Variants in HMGN3 observed in about 807,000 individuals in gnomAD.
HMGN3 encodes high mobility group nucleosome-binding domain-containing protein 3.
In HMGN3, 6 loss-of-function variants were observed where a neutral mutation model predicts 18.8. The observed-to-expected ratio is 0.32, with a 90% confidence interval of 0.18 to 0.63. The LOEUF (loss-of-function observed/expected upper bound fraction) is 0.63. HMGN3 is among the 30% of genes least tolerant of loss of function. The pLI is 0.79. For missense variants in HMGN3, 107 were observed against 114.2 expected, an observed-to-expected ratio of 0.94 and a Z score of 0.29; for synonymous variants, 40 against 36.5, an observed-to-expected ratio of 1.10 and a Z score of -0.35.
At position 79,234,659 on chromosome 6, in the gene HMGN3, G is replaced by A. The variant is rs930352533; in HGVS notation, c.-99C>T. The A allele has an allele frequency of 7.3e-6, 9 of 1,239,172 alleles. No individual in the cohort carries two copies. In the African/African-American group the frequency reaches 1.0e-4, roughly 14 times the overall value. The allele number at this position is 1,239,172 out of a possible 1,614,324, so 76.8% of individuals were successfully genotyped here. On this transcript the variant is annotated 5_prime_UTR_variant, in exon 1 of 6. Transcript: ENST00000344726. ...TGCCTCTGCAGCTGCTCACGCGCAGGGCACGACGTAGCCCGGCCTCTTCGA... is the reference window on the plus strand; with the variant it reads ...TGCCTCTGCAGCTGCTCACGCGCAGAGCACGACGTAGCCCGGCCTCTTCGA...
At chr6:79,224,414 A>G (rs1211163819) in intron 1 of HMGN3, among the ~76,000 whole-genome samples, 3 of 152,230 alleles carry the variant, frequency 2.0e-5, no homozygotes, top group African/African-American at 7.2e-5. Flanking sequence ...AGTGCTTCCT[A>G]TTCTCCATCA....
intron 3 of HMGN3, among the ~76,000 whole-genome samples, chr6:79,206,961 G>A (rs750609873): frequency 2.6e-4 from 39 of 152,288 alleles, no homozygotes; most frequent in Middle Eastern, 3.4e-3. Context: ...GCTGGATTTC[G>A]GACTTGCATG....
At chr6:79,203,749 A>T in intron 3 of HMGN3, 119 bp from the exon 4 acceptor site, 1 of 767,528 alleles carries the variant, frequency 1.3e-6, no homozygotes, top group Non-Finnish European at 2.2e-6. Context: ...TTGGTCATTA[A>T]AAAGTATTTC....
chr6:79,207,590 G>A (rs1377033427), intron 3 of HMGN3, among the ~76,000 whole-genome samples: 1 of 152,168 alleles, frequency 6.6e-6, no homozygotes, highest in African/African-American at 2.4e-5. Context: ...AGCAGTGAGT[G>A]TGAAAACAGA....
chr6:79,216,615 C>G (rs1435035327), intron 1 of HMGN3, among the ~76,000 whole-genome samples: 1 of 152,208 alleles, frequency 6.6e-6, no homozygotes, highest in East Asian at 1.9e-4. Flanking sequence ...CTCCCCTCCT[C>G]CGTGGAACCT....
chr6:79,219,683 T>C (rs1777171595), intron 1 of HMGN3, among the ~76,000 whole-genome samples: 1 of 152,144 alleles, frequency 6.6e-6, no homozygotes, highest in Admixed American at 6.5e-5. Flanking sequence ...CAGGTAAAAC[T>C]AATTTTAATA....
At position 79,214,995 on chromosome 6, in the gene HMGN3, C is replaced by T. The variant is rs753089354; in HGVS notation, c.43G>A (p.Gly15Arg). The T allele has an allele frequency of 5.2e-5, 79 of 1,524,964 alleles. 3 individuals are homozygous for T. In the Middle Eastern group the frequency reaches 6.7e-3, roughly 129 times the overall value. The allele number at this position is 1,524,964 out of a possible 1,614,324, so 94.5% of individuals were successfully genotyped here. ...ACCTCCTGTTTAGTTACTTTGGATC[C>T]ATCTTTGCCCTCTGTATTCTCTGGA... The change falls in exon 2 of 6, where the codon GGA becomes AGA. Residue 15 changes from glycine (G) to arginine (R), a missense_variant. Coordinates refer to ENST00000344726, the Ensembl canonical transcript of HMGN3.
intron 1 of HMGN3, among the ~76,000 whole-genome samples, chr6:79,232,328 G>C (rs1023170012): frequency 2.0e-5 from 3 of 152,174 alleles, no homozygotes; most frequent in South Asian, 2.1e-4. Context: ...TTGACTGATA[G>C]ATGGATGGCC....
chr6:79,205,368 T>A (rs1011874862), intron 3 of HMGN3, among the ~76,000 whole-genome samples: 7 of 152,172 alleles, frequency 4.6e-5, no homozygotes, highest in Non-Finnish European at 8.8e-5. Flanking sequence ...GTGATTGAAT[T>A]ATGGGGGTGG....
chr6:79,208,423 GT>G (rs1005026092), intron 3 of HMGN3, 123 bp downstream of exon 3: 53 of 837,176 alleles, frequency 6.3e-5, no homozygotes, highest in Non-Finnish European at 9.7e-5. Flanking sequence ...AGGACCCTAG[GT>G]AATTTTCAAA....
At chr6:79,231,673 T>C (rs1309193807) in intron 1 of HMGN3, among the ~76,000 whole-genome samples, 1 of 152,198 alleles carries the variant, frequency 6.6e-6, no homozygotes, top group Non-Finnish European at 1.5e-5. Context: ...CATGTTAAGA[T>C]ACAATCAGGA....
chr6:79,222,492 A>G (rs1777351186), intron 1 of HMGN3, among the ~76,000 whole-genome samples: 1 of 152,294 alleles, frequency 6.6e-6, no homozygotes, highest in South Asian at 2.1e-4. Context: ...AAATTCTTAT[A>G]AGGTTTCTTG....
intron 3 of HMGN3, among the ~76,000 whole-genome samples, chr6:79,203,901 G>C (rs953742215): frequency 6.6e-6 from 1 of 152,188 alleles, no homozygotes; most frequent in African/African-American, 2.4e-5. Context: ...CCGGGAACAG[G>C]TCTAAGCTTC....
At chr6:79,230,781 GT>G (rs963061585) in intron 1 of HMGN3, among the ~76,000 whole-genome samples, 7 of 151,924 alleles carry the variant, frequency 4.6e-5, no homozygotes, top group South Asian at 2.1e-4. Flanking sequence ...TTTGTTAACA[GT>G]TTTTTTTCCC....
At chr6:79,201,327 A>G (rs1776121121) in exon 6 of HMGN3, 1 of 198,294 alleles carries the variant, frequency 5.0e-6, no homozygotes, top group South Asian at 1.6e-4. Context: ...TTAAAATCAC[A>G]TAAAACCTAG....
rs535758889 is a variant in HMGN3, at chr6:79,205,696, G to T, written c.97-2066C>A. Among the ~76,000 whole-genome samples the T allele has an allele frequency of 5.9e-4, 90 of 152,350 alleles. 1 individual carries two copies. Among genetic ancestry groups the T allele is most frequent in the African/African-American group, 2.0e-3 (85 of 41,584 alleles). On this transcript the variant is annotated intron_variant, in intron 3 of 5. Transcript: ENST00000344726. ...GCTGAAAGATAATGAAAATGTGGAA[G>T]TGACTTTAGAACTGGGTAACAGACA...
intron 1 of HMGN3, among the ~76,000 whole-genome samples, chr6:79,220,783 T>TATGG (rs974387100): frequency 3.5e-4 from 54 of 152,120 alleles, no homozygotes; most frequent in African/African-American, 1.1e-3. Flanking sequence ...AAATCAATAT[T>TATGG]ATGGATGGAT....
At chr6:79,232,056 T>C (rs1777864629) in intron 1 of HMGN3, among the ~76,000 whole-genome samples, 1 of 152,182 alleles carries the variant, frequency 6.6e-6, no homozygotes, top group Admixed American at 6.5e-5. Context: ...GAAAGGTTGA[T>C]ACAGGGGGCT....
chr6:79,233,159 A>G (rs9350803), intron 1 of HMGN3, among the ~76,000 whole-genome samples: 138,717 of 152,194 alleles, frequency 0.91, 63,768 homozygotes, highest in East Asian at 1. Context: ...GAGATGCAGG[A>G]CAATTTATGT....
Sources: allele counts gnomAD v4.1 joint callset (sites outside exome capture counted in the v4.1 genomes callset), GRCh38; gene constraint gnomAD v4.1.1; transcripts MANE v1.5; gene names NCBI Gene and HGNC (gene_info 2026-07-23, HGNC 2026-07-21).